Variants in PRPF6 observed in about 807,000 individuals in gnomAD.
PRPF6 encodes the protein pre-mRNA processing factor 6.
In PRPF6, 42 loss-of-function variants were observed where a neutral mutation model predicts 118.3. The ratio of observed to expected loss-of-function variants is 0.35; its 90% confidence interval spans 0.28 to 0.46. The LOEUF is 0.46. Ranked by LOEUF, PRPF6 falls within the 20% of genes least tolerant of loss-of-function variation. PRPF6 has a pLI of 1.00. For missense variants in PRPF6, 662 were observed against 1,255.7 expected (o/e 0.53, Z 7.15); for synonymous variants, 481 against 485.1 (o/e 0.99, Z 0.11).
chr20:63,996,365 A>G (rs557012118), intron 6 of PRPF6, among the ~76,000 whole-genome samples: 4 of 152,132 alleles, frequency 2.6e-5, no homozygotes, highest in African/African-American at 9.6e-5. Context: ...AAAAACAAAA[A>G]GTGGCACAAT....
intron 3 of PRPF6, among the ~76,000 whole-genome samples, chr20:63,992,648 C>T (rs1176683859): frequency 6.6e-6 from 1 of 151,740 alleles, no homozygotes; most frequent in Non-Finnish European, 1.5e-5. Flanking sequence ...GTATTTAGAT[C>T]AAAGTAAGAT....
intron 1 of PRPF6, among the ~76,000 whole-genome samples, chr20:63,982,290 G>T (rs2059072971): frequency 6.6e-6 from 1 of 152,176 alleles, no homozygotes; most frequent in African/African-American, 2.4e-5. Context: ...CTCTGCCTCA[G>T]CCTCCTGAGT....
At chr20:63,999,839 C>G (rs2059158713) in intron 8 of PRPF6, 80 bp downstream of exon 8, 2 of 1,535,072 alleles carry the variant, frequency 1.3e-6, no homozygotes, top group Non-Finnish European at 1.8e-6. Flanking sequence ...TAGAGCAAAT[C>G]TCTTTGTCTT....
intron 3 of PRPF6, among the ~76,000 whole-genome samples, chr20:63,987,598 A>G (rs2059100448): frequency 6.6e-6 from 1 of 152,260 alleles, no homozygotes; most frequent in South Asian, 2.1e-4. Context: ...TGGAAGTCCT[A>G]GCTAGAGCAG....
At chr20:63,995,191 G>T (rs941798975) in intron 5 of PRPF6, 99 bp downstream of exon 5, 1 of 1,591,208 alleles carries the variant, frequency 6.3e-7, no homozygotes, top group Non-Finnish European at 8.6e-7. Flanking sequence ...TGCAGGTCAT[G>T]GCTATGCTGT....
intron 20 of PRPF6, 44 bp downstream of exon 20, chr20:64,032,088 G>A: frequency 6.2e-7 from 1 of 1,612,356 alleles, no homozygotes; most frequent in South Asian, 1.1e-5. Context: ...TTCTGGGACT[G>A]TGGCGGGGAG....
intron 19 of PRPF6, among the ~76,000 whole-genome samples, chr20:64,030,328 C>G (rs2059309287): frequency 6.6e-6 from 1 of 152,282 alleles, no homozygotes; most frequent in South Asian, 2.1e-4. Flanking sequence ...GCGTGTCTGG[C>G]CCCAGGAGCT....
chr20:63,990,649 C>CTT (rs565993288), intron 3 of PRPF6, among the ~76,000 whole-genome samples: 28,612 of 140,660 alleles, frequency 0.2, 3,182 homozygotes, highest in African/African-American at 0.28. Context: ...TTTCTTTTTT[C>CTT]TTTTTTTTTT....
Position 64,027,836 on chromosome 20 carries a change from TC to T in PRPF6, c.2339+102del. On this transcript the variant is annotated intron_variant, in intron 17 of 20. Coordinates refer to ENST00000266079, the MANE Select transcript of PRPF6 (RefSeq NM_012469.4). The surrounding 1 kb of genome is among the most constrained non-coding windows in gnomAD (Gnocchi z 6.5). ...TGTGTGGAGTCACTCGTGCAGTGCT[TC>T]CAGGCTCAGGGGCTTGGGGGGCGGT... 6.5e-7 allele frequency: 1 copy of T among 1,548,504 alleles called. No individual in the cohort carries two copies. The highest frequency in any genetic ancestry group is 8.9e-7 in the Non-Finnish European group (1 of 1,124,364).
chr20:63,993,623 T>G, intron 4 of PRPF6, 138 bp downstream of exon 4: 1 of 735,988 alleles, frequency 1.4e-6, no homozygotes, highest in Non-Finnish European at 2.4e-6. Flanking sequence ...AAGAAGAAAG[T>G]GTTTGCTTCA....
chr20:63,984,694 C>T (rs2059085909), intron 2 of PRPF6, among the ~76,000 whole-genome samples: 2 of 152,180 alleles, frequency 1.3e-5, no homozygotes, highest in Admixed American at 1.3e-4. Context: ...GTCATGTCTC[C>T]TTGGTCCCTT....
At chr20:64,010,451 C>A in intron 10 of PRPF6, 133 bp downstream of exon 10, 1 of 784,030 alleles carries the variant, frequency 1.3e-6, no homozygotes. Context: ...GCAGAAGGCC[C>A]TGTGGAACCC....
chr20:64,019,715 G>A (rs920503406), intron 12 of PRPF6, among the ~76,000 whole-genome samples: 7 of 152,212 alleles, frequency 4.6e-5, no homozygotes, highest in Admixed American at 2.6e-4. Context: ...GACCCTCACC[G>A]GCATCCTCCC....
chr20:63,994,893 T>G, intron 4 of PRPF6, 23 bp from the exon 5 acceptor site: 1 of 1,613,948 alleles, frequency 6.2e-7, no homozygotes, highest in Non-Finnish European at 8.5e-7. Context: ...GAATTAATGT[T>G]TTTGGGGGCT....
rs1471274823 is a variant in PRPF6, at chr20:63,987,544, G to A, written c.359+2519G>A. Among the ~76,000 whole-genome samples, 8 of 152,200 alleles carry A rather than the reference G, an allele frequency of 5.3e-5. No individual in the cohort carries two copies. In the East Asian group the frequency reaches 1.5e-3, roughly 29 times the overall value. ...ATACTGAATGGGGAAAAACTGGAAC[G>A]CAACAAGGATGCCCACTTTCACCAC... On this transcript the variant is annotated intron_variant, in intron 3 of 20. Transcript: ENST00000266079.
rs5842437 is a variant in PRPF6, at chr20:64,006,316, C to CTTT, written c.1187-3868_1187-3866dup. Among the ~76,000 whole-genome samples the CTTT allele has an allele frequency of 1.3e-3, 134 of 102,484 alleles. 1 individual carries two copies. The South Asian group carries it at 0.045, about 34-fold the overall frequency. 67.2% of individuals were successfully genotyped at this position (102,484 alleles called of 152,430 possible). The stretch of plus-strand genomic sequence containing the variant: ...CCTTTGGAGTAGCTCGTAGCTTGCT[C>CTTT]TTTTTTTTTTTTTTTTTTGAGACTG... On this transcript the variant is annotated intron_variant, in intron 9 of 20. Transcript: ENST00000266079.
chr20:63,987,903 C>A (rs1440659079), intron 3 of PRPF6, among the ~76,000 whole-genome samples: 2 of 151,834 alleles, frequency 1.3e-5, no homozygotes, highest in Non-Finnish European at 2.9e-5. Flanking sequence ...ACAAAAATGG[C>A]CGGGCACGGT....
chr20:64,010,330 G>T lies in PRPF6; in HGVS notation c.1305+12G>T. The T allele has an allele frequency of 6.2e-7, 1 of 1,607,338 alleles. No homozygotes were observed. The highest frequency in any genetic ancestry group is 8.5e-7 in the Non-Finnish European group (1 of 1,176,136). ...CCACCAGCGTGGAGGTGAGTCTGGC[G>T]GGCTCAGGGCCACCAGAGCCCAAAG... On this transcript the variant is annotated intron_variant, in intron 10 of 20. Coordinates refer to ENST00000266079, the MANE Select transcript of PRPF6 (RefSeq NM_012469.4).
Position 64,016,800 on chromosome 20 carries a change from T to G in PRPF6, c.1602T>G (p.Ile534Met), listed in dbSNP as rs1569221312. 6.2e-7 allele frequency: 1 copy of G among 1,614,156 alleles called. No homozygotes were observed. The change falls in exon 12 of 21, where the codon ATT becomes ATG. Residue 534 changes from isoleucine (I) to methionine (M), a missense_variant. Transcript: ENST00000266079. ...AVMRAVIGIG[I>M]EEEDRKHTWM... ...TGCGTGCCGTGATTGGGATTGGGAT[T>G]GAGGAGGAAGATCGGAAGCATACCT...
Sources: gnomAD v4.1 joint callset for allele counts (sites outside exome capture counted in the v4.1 genomes callset) on GRCh38, gnomAD v4.1.1 for gene constraint, Gnocchi (gnomAD v3.1) non-coding constraint, MANE v1.5 for transcripts, NCBI Gene and HGNC (gene_info 2026-07-23, HGNC 2026-07-21) for gene names.